Variants in RAB44 observed in about 807,000 individuals in gnomAD.
RAB44 encodes ras-related protein Rab-44.
Under a neutral mutation model 93.3 loss-of-function variants are expected in RAB44, and 67 were observed. That is an observed-to-expected ratio of 0.72 (90% CI 0.59 to 0.88). The LOEUF (loss-of-function observed/expected upper bound fraction) is 0.88, where lower values mean the gene tolerates loss of function less well. RAB44 is among the 40% of genes least tolerant of loss of function. The pLI, the probability that RAB44 is intolerant of heterozygous loss-of-function variation, is 0.00. For missense variants in RAB44, 1,064 were observed against 1,261.7 expected (o/e 0.84, Z 2.37); for synonymous variants, 427 against 520.3 (o/e 0.82, Z 2.44).
At chr6:36,719,038 G>C (rs984855137) in intron 7 of RAB44, among the ~76,000 whole-genome samples, 2 of 152,026 alleles carry the variant, frequency 1.3e-5, no homozygotes, top group African/African-American at 4.8e-5. Context: ...TCCTGCCTCA[G>C]CCTCCCGAGT....
At chr6:36,713,288 T>G (rs1042918518) in intron 2 of RAB44, among the ~76,000 whole-genome samples, 1 of 152,214 alleles carries the variant, frequency 6.6e-6, no homozygotes, top group African/African-American at 2.4e-5. Context: ...TTCTGCCTCC[T>G]GGGTTCAAGT....
chr6:36,728,869 A>G (rs1763298086), intron 12 of RAB44, 68 bp downstream of exon 12: 1 of 1,288,334 alleles, frequency 7.8e-7, no homozygotes, highest in Non-Finnish European at 1.1e-6. Context: ...CAGGTGGTGG[A>G]TAGGCATCAC....
intron 2 of RAB44, among the ~76,000 whole-genome samples, chr6:36,712,439 A>C (rs998276103): frequency 6.6e-6 from 1 of 152,070 alleles, no homozygotes; most frequent in African/African-American, 2.4e-5. Context: ...ATCTCGGCTC[A>C]CTGCAACCTC....
chr6:36,725,875 G>A lies in RAB44; in HGVS notation c.2613G>A (p.Arg871=), dbSNP rs1763226621. ...GLTATVGVDF[R]VKTLLVDNKC... The stretch of plus-strand genomic sequence containing the variant: ...TATGTGTCCTAGGAGTAGATTTTCG[G>A]GTCAAAACCTTGCTGGTGGACAACA... Residue 871 remains arginine, a synonymous_variant, in exon 10 of 14, where the codon CGG becomes CGA. Coordinates refer to ENST00000612677, the MANE Select transcript of RAB44 (RefSeq NM_001257357.2). 1.3e-6 allele frequency: 2 copies of A among 1,550,542 alleles called. No individual in the cohort carries two copies. Among genetic ancestry groups the A allele is most frequent in the Non-Finnish European group, 8.7e-7 (1 of 1,146,946 alleles).
chr6:36,723,047 T>G lies in RAB44; in HGVS notation c.2599+314T>G, dbSNP rs557020711. ...AGCAAGTATCCACTCATGTGGCCCA[T>G]GGGCAGGCCAGAGCAGGTTCTGTGC... is the stretch of plus-strand genomic sequence containing the variant. On this transcript the variant is annotated intron_variant, in intron 9 of 13. Coordinates refer to ENST00000612677, the MANE Select transcript of RAB44 (RefSeq NM_001257357.2). 6.7e-4 allele frequency among the ~76,000 whole-genome samples: 102 copies of G among 152,384 alleles called. 1 individual carries two copies. The highest frequency in any genetic ancestry group is 3.1e-3 in the Admixed American group (48 of 15,312).
rs140770232 is a variant in RAB44, at chr6:36,729,576, G to A, written c.2898+775G>A. ...TGGCTCATTGCAACCTCCGACTCCC[G>A]GGTTCAAGCGATTCTCCCACCTCAG... On this transcript the variant is annotated intron_variant, in intron 12 of 13. Transcript: ENST00000612677. Among the ~76,000 whole-genome samples, 949 of 151,010 alleles carry A rather than the reference G, an allele frequency of 6.3e-3. 9 individuals carry two copies. Among genetic ancestry groups the A allele is most frequent in the African/African-American group, 0.02 (821 of 41,104 alleles).
Position 36,718,515 on chromosome 6 carries a change from T to C in RAB44, c.755T>C (p.Leu252Pro). 1 of 1,233,532 alleles carries C rather than the reference T, an allele frequency of 8.1e-7. No homozygotes were observed. The highest frequency in any genetic ancestry group is 1.0e-6 in the Non-Finnish European group (1 of 987,952). The allele number at this position is 1,233,532 out of a possible 1,614,324, so 76.4% of individuals were successfully genotyped here. A position where few individuals can be genotyped will look rare whatever the true frequency, so the allele number is the denominator to read the frequency against. Residue 252 changes from leucine to proline, a missense_variant, in exon 7 of 14, where the codon CTC (leucine) becomes CCC (proline). Transcript: ENST00000612677. Reference protein sequence around the residue: ...QAESDSRGLALTSQMQDVLEA... With the variant: ...QAESDSRGLAPTSQMQDVLEA... ...CAGAGCGACTCTCGGGGCCTGGCCC[T>C]CACCTCCCAGATGCAGGACGTCCTA...
chr6:36,704,326 G>A lies in RAB44; in HGVS notation c.91G>A (p.Ala31Thr), dbSNP rs192026712. 786 of 1,536,130 alleles carry A rather than the reference G, an allele frequency of 5.1e-4. 8 individuals carry two copies. In the African/African-American group the frequency reaches 8.4e-3, roughly 16 times the overall value. The stretch of plus-strand genomic sequence containing the variant: ...AAGAGAGCCAGCTGATGGTGAAGGC[G>A]CTGCAGTGGCCCCAGAGCCAGAGTC... ...QTREPADGEG[A>T]AVAPEPESWS... Residue 31 changes from alanine (A) to threonine (T), a missense_variant, in exon 2 of 14, where the codon GCT becomes ACT. Physicochemically the swap from Ala to Thr is moderately conservative, Grantham distance 58. Coordinates refer to ENST00000612677, the MANE Select transcript of RAB44 (RefSeq NM_001257357.2).
intron 1 of RAB44, among the ~76,000 whole-genome samples, chr6:36,701,732 A>G (rs10947624): frequency 0.51 from 77,141 of 151,702 alleles, 19,855 homozygotes; most frequent in East Asian, 0.63. Flanking sequence ...GGCTGTGAGG[A>G]CCCCTAGGGG....
chr6:36,699,817 A>G (rs902934713), intron 1 of RAB44, among the ~76,000 whole-genome samples: 2 of 152,146 alleles, frequency 1.3e-5, no homozygotes, highest in African/African-American at 4.8e-5. Flanking sequence ...CTCAAATAGA[A>G]TTCACCTTTA....
chr6:36,708,908 A>AT (rs1554187834), intron 2 of RAB44, among the ~76,000 whole-genome samples: 12 of 150,624 alleles, frequency 8.0e-5, no homozygotes, highest in African/African-American at 3.0e-4. Flanking sequence ...ATGAGTTTTT[A>AT]TTATTTCTTT....
chr6:36,715,371 T>C (rs923356216), intron 3 of RAB44, 108 bp from the exon 4 acceptor site: 27 of 965,056 alleles, frequency 2.8e-5, no homozygotes, highest in Middle Eastern at 5.1e-4. Flanking sequence ...TAAATGTGAC[T>C]GGCACAGGTA....
At chr6:36,729,538 A>G (rs1011592188) in intron 12 of RAB44, among the ~76,000 whole-genome samples, 1 of 146,696 alleles carries the variant, frequency 6.8e-6, no homozygotes, top group Non-Finnish European at 1.5e-5. Flanking sequence ...GCTGGAGTGC[A>G]GTGGCACGAT....
In RAB44 at chr6:36,727,665, G is replaced by T; in HGVS notation, c.2770G>T (p.Val924Leu). Reference sequence around the variant, plus strand: ...CACCTCCCAGGAGAGCTTTGCCCACGTGCGCTACTGGCTAGACTGTCTCCA... The same window carrying T: ...CACCTCCCAGGAGAGCTTTGCCCACTTGCGCTACTGGCTAGACTGTCTCCA... The part of the protein sequence containing the change: ...DITSQESFAH[V>L]RYWLDCLQDA... Residue 924 changes from valine to leucine, a missense_variant, in exon 11 of 14, where the codon GTG becomes TTG. Physicochemically the swap from Val to Leu is conservative, Grantham distance 32. Transcript: ENST00000612677. 1.9e-6 allele frequency: 3 copies of T among 1,550,510 alleles called. No homozygotes were observed. In the South Asian group the frequency reaches 3.6e-5, roughly 18 times the overall value.
rs1029952196 is a variant in RAB44 at position 36,718,031 on chromosome 6, T to A, written c.645T>A (p.Arg215=). Residue 215 remains arginine, a synonymous_variant, in exon 6 of 14, where the codon CGT becomes CGA. Coordinates refer to ENST00000612677, the MANE Select transcript of RAB44 (RefSeq NM_001257357.2). ...KEALELTLRK[R]DSDHHREVQQ... Reference sequence around the variant, plus strand: ...CCCCAACTCCTGCTCCTCCCAGGCGTGACTCTGACCACCACCGCGAGGTCC... The same window carrying A: ...CCCCAACTCCTGCTCCTCCCAGGCGAGACTCTGACCACCACCGCGAGGTCC... 1.6e-6 allele frequency: 2 copies of A among 1,231,560 alleles called. No homozygotes were observed. The highest frequency in any genetic ancestry group is 2.0e-6 in the Non-Finnish European group (2 of 987,814). The allele number at this position is 1,231,560 out of a possible 1,614,324, so 76.3% of individuals were successfully genotyped here.
chr6:36,730,488 CA>C (rs1191123125), intron 12 of RAB44, among the ~76,000 whole-genome samples, 184 bp from the exon 13 acceptor site: 1 of 152,202 alleles, frequency 6.6e-6, no homozygotes, highest in African/African-American at 2.4e-5. Flanking sequence ...GGTGAAGGGA[CA>C]GTGGGCAAAG....
In RAB44 at chr6:36,704,316, T is replaced by G. The variant is rs1401855343; in HGVS notation, c.81T>G (p.Asp27Glu). Reference sequence around the variant, plus strand: ...GGCGGCAGACAAGAGAGCCAGCTGATGGTGAAGGCGCTGCAGTGGCCCCAG... The same window carrying G: ...GGCGGCAGACAAGAGAGCCAGCTGAGGGTGAAGGCGCTGCAGTGGCCCCAG... ...NRRRQTREPA[D>E]GEGAAVAPEP... The change falls in exon 2 of 14, where the codon GAT becomes GAG. Residue 27 changes from aspartate to glutamate, a missense_variant. Physicochemically the swap from Asp to Glu is conservative, Grantham distance 45. Transcript: ENST00000612677. 4.6e-6 allele frequency: 7 copies of G among 1,536,136 alleles called. No homozygotes were observed. Among genetic ancestry groups the G allele is most frequent in the Non-Finnish European group, 6.1e-6 (7 of 1,146,906 alleles).
At position 36,731,188 on chromosome 6, in the gene RAB44, C is replaced by CACAT. The variant is rs34574019; in HGVS notation, c.2975+442_2975+443insTACA. Among the ~76,000 whole-genome samples, 48,926 of 151,444 alleles carry CACAT rather than the reference C, an allele frequency of 0.32. 8,140 individuals carry two copies. The highest frequency in any genetic ancestry group is 0.39 in the Middle Eastern group (114 of 292). The stretch of plus-strand genomic sequence containing the variant: ...ACCCACACACACTCACACTCTTACA[C>CACAT]ACACTCACACTCACACACACACACT... On this transcript the variant is annotated intron_variant, in intron 13 of 13. Transcript: ENST00000612677. The surrounding 1 kb of genome is among the most constrained non-coding windows in gnomAD (Gnocchi z 4.0).
chr6:36,730,988 A>T (rs1461073508), intron 13 of RAB44, among the ~76,000 whole-genome samples: 2 of 151,956 alleles, frequency 1.3e-5, no homozygotes, highest in African/African-American at 2.4e-5. Flanking sequence ...CCCCACAGGC[A>T]CTTAGGCTCT....
Sources: gnomAD v4.1 joint callset for allele counts (sites outside exome capture counted in the v4.1 genomes callset) on GRCh38, gnomAD v4.1.1 for gene constraint, Gnocchi (gnomAD v3.1) non-coding constraint, MANE v1.5 for transcripts, NCBI Gene and HGNC (gene_info 2026-07-23, HGNC 2026-07-21) for gene names.